Variants in NCOA1 observed in about 807,000 individuals in gnomAD.
The protein encoded by NCOA1 is nuclear receptor coactivator 1, also known as Hin-2 protein.
NCOA1 carries 35 observed loss-of-function variants against 150.9 expected under a neutral mutation model. The ratio of observed to expected loss-of-function variants is 0.23; its 90% CI spans 0.18 to 0.31. NCOA1 has a LOEUF of 0.31. NCOA1 is among the 10% of genes least tolerant of loss of function. The pLI, the probability that NCOA1 is intolerant of heterozygous loss-of-function variation, is 1.00. For missense variants in NCOA1, 1,491 were observed against 1,749.3 expected (o/e 0.85, Z 2.63); for synonymous variants, 590 against 630.0 (o/e 0.94, Z 0.95).
intron 1 of NCOA1, among the ~76,000 whole-genome samples, chr2:24,542,783 AACTTTTT>A (rs1665452633): frequency 6.6e-6 from 1 of 152,116 alleles, no homozygotes; most frequent in South Asian, 2.1e-4. Flanking sequence ...AAATTATACT[AACTTTTT>A]ACTTTTTCTG....
At chr2:24,660,242 TTTTACA>T (rs1671120270) in intron 5 of NCOA1, among the ~76,000 whole-genome samples, 1 of 152,138 alleles carries the variant, frequency 6.6e-6, no homozygotes, top group Admixed American at 6.5e-5. Context: ...AATAAATATC[TTTTACA>T]TTTAATTTTT....
intron 1 of NCOA1, among the ~76,000 whole-genome samples, chr2:24,550,360 A>G (rs898524981): frequency 5.3e-5 from 8 of 152,342 alleles, no homozygotes; most frequent in Admixed American, 5.2e-4. Flanking sequence ...CAAAAGAAAG[A>G]GGTTTAATGG....
intron 3 of NCOA1, among the ~76,000 whole-genome samples, chr2:24,612,684 T>C (rs1668684986): frequency 6.6e-6 from 1 of 152,170 alleles, no homozygotes; most frequent in African/African-American, 2.4e-5. Context: ...AGTCTATTGA[T>C]AAAGCTTTCC....
intron 1 of NCOA1, among the ~76,000 whole-genome samples, chr2:24,561,798 G>T (rs1333795270): frequency 6.6e-6 from 1 of 152,074 alleles, no homozygotes; most frequent in Admixed American, 6.6e-5. Flanking sequence ...AAAATACCAA[G>T]AATATTCTTA....
At chr2:24,763,830 C>T (rs953062052) in intron 22 of NCOA1, among the ~76,000 whole-genome samples, 2 of 151,734 alleles carry the variant, frequency 1.3e-5, no homozygotes, top group Non-Finnish European at 2.9e-5. Flanking sequence ...CCATTTTGAC[C>T]AGGCCGGTCT....
At chr2:24,686,410 CATT>C (rs1007953298) in intron 8 of NCOA1, among the ~76,000 whole-genome samples, 11 of 152,112 alleles carry the variant, frequency 7.2e-5, no homozygotes, top group African/African-American at 2.4e-4. Flanking sequence ...GTTTTTTAAA[CATT>C]ATCAGGGGCA....
rs757824089 is a variant in NCOA1, at chr2:24,728,444, G to A, written c.2854G>A (p.Asp952Asn). 1 of 1,613,724 alleles carries A rather than the reference G, an allele frequency of 6.2e-7. No homozygotes were observed. The highest frequency in any genetic ancestry group is 8.5e-7 in the Non-Finnish European group (1 of 1,179,852). ...AGATGAAACTGAGCTAGCTGAACTA[G>A]ACAGAGCTCTGGGAATTGACAAACT... ...GKDETELAEL[D>N]RALGIDKLVQ... is the part of the protein sequence containing the mutation. The change falls in exon 16 of 23, where the codon GAC becomes AAC. Residue 952 changes from aspartate to asparagine, a missense_variant. Physicochemically the swap from Asp to Asn is conservative, Grantham distance 23. This residue lies in a region of NCOA1 where 13 missense variants were observed against 38.5 expected (regional missense o/e 0.34). Transcript: ENST00000348332.
intron 4 of NCOA1, among the ~76,000 whole-genome samples, chr2:24,652,612 A>G (rs1422772107): frequency 6.6e-6 from 1 of 152,164 alleles, no homozygotes; most frequent in Admixed American, 6.5e-5. Flanking sequence ...ATTTAAATTC[A>G]ACTGAATTAT....
intron 1 of NCOA1, among the ~76,000 whole-genome samples, chr2:24,507,484 T>C (rs578191668): frequency 1.3e-5 from 2 of 151,386 alleles, no homozygotes; most frequent in East Asian, 1.9e-4. Flanking sequence ...TACATACTTA[T>C]GGGGTGCCTA....
intron 7 of NCOA1, among the ~76,000 whole-genome samples, chr2:24,675,743 G>A (rs541364731): frequency 6.6e-6 from 1 of 152,138 alleles, no homozygotes; most frequent in Non-Finnish European, 1.5e-5. Flanking sequence ...AAATTAGCCA[G>A]GCATGGTGGT....
chr2:24,680,394 A>C (rs1329172071), intron 7 of NCOA1, among the ~76,000 whole-genome samples: 6 of 152,366 alleles, frequency 3.9e-5, no homozygotes. Context: ...AATACTATTC[A>C]GCCTTTAAAA....
At chr2:24,732,024 A>G (rs1252965118) in intron 17 of NCOA1, among the ~76,000 whole-genome samples, 1 of 152,240 alleles carries the variant, frequency 6.6e-6, no homozygotes, top group African/African-American at 2.4e-5. Flanking sequence ...CTCATTTTAC[A>G]ATGTAAAGTT....
rs761318644 is a variant in NCOA1 at position 24,658,738 on chromosome 2, G to A, written c.61G>A (p.Gly21Arg). The A allele has an allele frequency of 1.9e-6, 3 of 1,613,928 alleles. No homozygotes were observed. Among genetic ancestry groups the A allele is most frequent in the Non-Finnish European group, 1.7e-6 (2 of 1,179,960 alleles). ...PANPDSHKRK[G>R]SPCDTLASST... The stretch of plus-strand genomic sequence containing the variant: ...TAACCCAGACTCACATAAGAGGAAA[G>A]GATCGCCATGTGACACACTGGCATC... Residue 21 changes from glycine to arginine, a missense_variant, in exon 5 of 23, where the codon GGA becomes AGA. Transcript: ENST00000348332.
intron 5 of NCOA1, among the ~76,000 whole-genome samples, chr2:24,663,111 GC>G (rs1403982051): frequency 1.3e-5 from 2 of 152,032 alleles, no homozygotes; most frequent in African/African-American, 4.8e-5. Context: ...GTGCTTTTAA[GC>G]AGTATACCAT....
In NCOA1 at chr2:24,673,363, T is replaced by C; in HGVS notation, c.257-3T>C. ...GTGATTTTTTTAAGTTTCTTTATTA[T>C]AGAGAAATCAACAACTGATGACGAT... On this transcript the variant is annotated splice_region_variant and splice_polypyrimidine_tract_variant and intron_variant, in intron 6 of 22. Transcript: ENST00000348332. The C allele has an allele frequency of 1.9e-6, 3 of 1,548,376 alleles. No individual in the cohort carries two copies. Among genetic ancestry groups the C allele is most frequent in the Admixed American group, 2.1e-5 (1 of 47,568 alleles).
chr2:24,551,068 C>T (rs551532312), intron 1 of NCOA1, among the ~76,000 whole-genome samples: 28 of 147,872 alleles, frequency 1.9e-4, no homozygotes, highest in Admixed American at 1.7e-3. Flanking sequence ...GCACTCCAGC[C>T]TGGGTGACAG....
intron 1 of NCOA1, among the ~76,000 whole-genome samples, chr2:24,549,668 G>A (rs983067283): frequency 6.6e-5 from 10 of 152,136 alleles, no homozygotes; most frequent in Admixed American, 1.3e-4. Flanking sequence ...CCGCGTTTAC[G>A]CCATTCTCCT....
At position 24,742,055 on chromosome 2, in the gene NCOA1, C is replaced by A; in HGVS notation, c.3575C>A (p.Ala1192Glu). 1.9e-6 allele frequency: 3 copies of A among 1,614,224 alleles called. No homozygotes were observed. Among genetic ancestry groups the A allele is most frequent in the Non-Finnish European group, 2.5e-6 (3 of 1,180,028 alleles). ...ASTSPFSQLA[A>E]NPEASLANRN... is the part of the protein sequence containing the mutation. ...ACCAGCCCGTTTTCACAACTAGCAG[C>A]AAATCCTGAAGCATCCTTGGCCAAC... The change falls in exon 19 of 23, where the codon GCA becomes GAA. Residue 1192 changes from alanine to glutamate, a missense_variant. Physicochemically the swap from Ala to Glu is moderately radical, Grantham distance 107 (BLOSUM62 -1). Transcript: ENST00000348332.
chr2:24,679,364 C>G (rs1672061142), intron 7 of NCOA1, among the ~76,000 whole-genome samples: 1 of 152,092 alleles, frequency 6.6e-6, no homozygotes, highest in South Asian at 2.1e-4. Context: ...TTATATTAAC[C>G]AGATATACTT....
Sources: allele counts gnomAD v4.1 joint callset (sites outside exome capture counted in the v4.1 genomes callset), GRCh38; gene constraint gnomAD v4.1.1; regional missense constraint gnomAD v4.1.1; transcripts MANE v1.5; gene names NCBI Gene and HGNC (gene_info 2026-07-23, HGNC 2026-07-21).